The following SCAMP3 variants were observed in gnomAD, a reference collection of about 807,000 sequenced individuals.
SCAMP3 encodes secretory carrier-associated membrane protein 3.
Under a neutral mutation model 44.1 loss-of-function variants are expected in SCAMP3, and 30 were observed. That is an observed-to-expected ratio of 0.68 (90% CI 0.51 to 0.92). The LOEUF is 0.92. Among genes scored for constraint, SCAMP3 ranks in the 40% least tolerant of loss-of-function variants. The pLI, the probability that SCAMP3 is intolerant of heterozygous loss-of-function variation, is 0.00. For synonymous variants in SCAMP3, 168 were observed against 171.1 expected, an observed-to-expected ratio of 0.98 and a Z score of 0.14; for missense variants, 394 against 440.0, an observed-to-expected ratio of 0.90 and a Z score of 0.93.
At position 155,255,995 on chromosome 1, in the gene SCAMP3, A is replaced by C; in HGVS notation, c.*278T>G. On this transcript the variant is annotated 3_prime_UTR_variant, in exon 9 of 9. Coordinates refer to ENST00000302631, the MANE Select transcript of SCAMP3 (RefSeq NM_005698.4). The surrounding 1 kb of genome is among the most constrained non-coding windows in gnomAD (Gnocchi z 5.6). ...AAACGGGGATGTCAGTTCCAGTTCC[A>C]CTTTCTTTTTATTTAAATAACCGAA... The C allele has an allele frequency of 2.6e-6, 1 of 383,838 alleles. No homozygotes were observed. Among genetic ancestry groups the C allele is most frequent in the Admixed American group, 4.4e-5 (1 of 22,498 alleles). 23.8% of individuals were successfully genotyped at this position (383,838 alleles called of 1,614,324 possible). A position where few individuals can be genotyped will look rare whatever the true frequency, so the allele number is the denominator to read the frequency against.
At chr1:155,258,772 G>C in intron 5 of SCAMP3, 54 bp downstream of exon 5, 3 of 1,530,808 alleles carry the variant, frequency 2.0e-6, no homozygotes. Flanking sequence ...GCGGACCCCA[G>C]GGCAGTTAAG....
intron 2 of SCAMP3, 73 bp from the exon 3 acceptor site, chr1:155,260,732 T>C (rs1285003470): frequency 7.4e-7 from 1 of 1,347,370 alleles, no homozygotes; most frequent in Non-Finnish European, 1.0e-6. Context: ...TTGAATACCT[T>C]TAGACCCAGA....
chr1:155,260,591 G>A lies in SCAMP3; in HGVS notation c.213C>T (p.Pro71=), dbSNP rs775945420. Residue 71 remains proline, a synonymous_variant, in exon 3 of 9, where the codon CCC becomes CCT. Coordinates refer to ENST00000302631, the MANE Select transcript of SCAMP3 (RefSeq NM_005698.4). ...LPPPSAPSLQ[P]SRKLSPTEPK... is the part of the protein sequence containing the mutation. ...GTTCTGTGGGGCTGAGCTTTCTCGA[G>A]GGCTGCAAGGAGGGAGCTGAGGGTG... 34 of 1,614,190 alleles carry A rather than the reference G, an allele frequency of 2.1e-5. No homozygotes were observed. Among genetic ancestry groups the A allele is most frequent in the Non-Finnish European group, 2.9e-5 (34 of 1,180,044 alleles).
chr1:155,260,526 A>T lies in SCAMP3; in HGVS notation c.267+11T>A. ...CCTTCTCCCCAGCCCTCACCTGCAC[A>T]CCTCCTGTACCTGAGTGCTGTATGA... On this transcript the variant is annotated intron_variant, in intron 3 of 8. Transcript: ENST00000302631. 1 of 1,613,570 alleles carries T rather than the reference A, an allele frequency of 6.2e-7. No homozygotes were observed. The highest frequency in any genetic ancestry group is 8.5e-7 in the Non-Finnish European group (1 of 1,179,902).
At chr1:155,258,491 C>T in intron 5 of SCAMP3, among the ~76,000 whole-genome samples, 1 of 151,832 alleles carries the variant, frequency 6.6e-6, no homozygotes, top group Non-Finnish European at 1.5e-5. Context: ...CATGTGCCAC[C>T]ACGCCCAGGT....
rs747136092 is a variant in SCAMP3, at chr1:155,260,525, C to T, written c.267+12G>A. On this transcript the variant is annotated intron_variant, in intron 3 of 8. Coordinates refer to ENST00000302631, the MANE Select transcript of SCAMP3 (RefSeq NM_005698.4). ...CCCTTCTCCCCAGCCCTCACCTGCA[C>T]ACCTCCTGTACCTGAGTGCTGTATG... is the stretch of plus-strand genomic sequence containing the variant. The T allele has an allele frequency of 3.7e-6, 6 of 1,614,054 alleles. No individual in the cohort carries two copies. Among genetic ancestry groups the T allele is most frequent in the South Asian group, 1.1e-5 (1 of 91,078 alleles).
Position 155,260,389 on chromosome 1 carries a change from GC to G in SCAMP3, c.328del (p.Ala110GlnfsTer71). ...LKKQEELNRK[A>X]EELDRREREL... Reference sequence around the variant, plus strand: ...TCGCTCCCTTCGGTCCAACTCCTCTGCCTTCCGGTTGAGCTCCTCCTGTTTC... The same window carrying G: ...TCGCTCCCTTCGGTCCAACTCCTCTGCTTCCGGTTGAGCTCCTCCTGTTTC... On this transcript the variant is annotated frameshift_variant, in exon 4 of 9. Coordinates refer to ENST00000302631, the MANE Select transcript of SCAMP3 (RefSeq NM_005698.4). LOFTEE classifies it high-confidence loss of function. 1.2e-6 allele frequency: 2 copies of G among 1,613,878 alleles called. No individual in the cohort carries two copies. Among genetic ancestry groups the G allele is most frequent in the Admixed American group, 3.3e-5 (2 of 60,018 alleles).
At chr1:155,261,628 T>A (rs1005634545) in intron 2 of SCAMP3, 29 bp downstream of exon 2, 27 of 1,603,216 alleles carry the variant, frequency 1.7e-5, no homozygotes, top group Non-Finnish European at 2.3e-5. Flanking sequence ...CTTCCCTTCC[T>A]TGAACTCCTA....
chr1:155,261,024 C>T (rs994903770), intron 2 of SCAMP3, among the ~76,000 whole-genome samples: 5 of 151,818 alleles, frequency 3.3e-5, no homozygotes, highest in Admixed American at 2.0e-4. Flanking sequence ...AACTCCTGGG[C>T]CCAAGCAGTC....
chr1:155,256,308 C>CGGCT lies in SCAMP3; in HGVS notation c.1005_1008dup (p.Ala337SerfsTer6). ...CGGAAGGCATTTTCAGCAGCCCCAG[C>CGGCT]GGCTGCATTGGCAGCTGCGGTTCGC... On this transcript the variant is annotated frameshift_variant, in exon 9 of 9. Coordinates refer to ENST00000302631, the MANE Select transcript of SCAMP3 (RefSeq NM_005698.4). LOFTEE classifies it high-confidence loss of function. The CGGCT allele has an allele frequency of 6.3e-7, 1 of 1,596,262 alleles. No individual in the cohort carries two copies. The highest frequency in any genetic ancestry group is 2.3e-5 in the East Asian group (1 of 44,382).
rs1431217159 is a variant in SCAMP3 at position 155,258,961 on chromosome 1, G to C, written c.389-7C>G. 6.2e-7 allele frequency: 1 copy of C among 1,602,294 alleles called. No homozygotes were observed. The highest frequency in any genetic ancestry group is 8.5e-7 in the Non-Finnish European group (1 of 1,175,684). ...GGCCAATTGTTCTGTCGAGCTGTAA[G>C]GCACAAAAAAACAGGTGGACCCCAG... On this transcript the variant is annotated splice_region_variant and splice_polypyrimidine_tract_variant and intron_variant, in intron 4 of 8. Transcript: ENST00000302631.
intron 8 of SCAMP3, 92 bp downstream of exon 8, chr1:155,256,582 T>C: frequency 7.2e-7 from 1 of 1,379,740 alleles, no homozygotes; most frequent in Non-Finnish European, 1.0e-6. Context: ...CCCAGCAGCC[T>C]GACCTGTGCC....
intron 5 of SCAMP3, 61 bp downstream of exon 5, chr1:155,258,765 G>A (rs1354761615): frequency 3.4e-6 from 5 of 1,489,626 alleles, no homozygotes; most frequent in Non-Finnish European, 4.5e-6. Flanking sequence ...TTGGTGAGCG[G>A]ACCCCAGGGC....
intron 4 of SCAMP3, among the ~76,000 whole-genome samples, chr1:155,259,678 T>C (rs762129710): frequency 5.0e-4 from 76 of 152,276 alleles, no homozygotes; most frequent in South Asian, 2.3e-3. Flanking sequence ...GATCCTCTCT[T>C]TTATCTCCAA....
In SCAMP3 at chr1:155,262,183, C is replaced by T. The variant is rs201017069; in HGVS notation, c.-32G>A. The stretch of plus-strand genomic sequence containing the variant: ...AACTGCGGCCTCCGCGGCCCTCTGC[C>T]CTCCACGCCCCTGCCGCAGCAGTGG... On this transcript the variant is annotated 5_prime_UTR_variant, in exon 1 of 9. Transcript: ENST00000302631. 7.2e-5 allele frequency: 115 copies of T among 1,600,770 alleles called. No homozygotes were observed. In the African/African-American group the frequency reaches 1.3e-3, roughly 19 times the overall value.
intron 5 of SCAMP3, among the ~76,000 whole-genome samples, 194 bp from the exon 6 acceptor site, chr1:155,257,851 AT>A (rs34278239): frequency 0.36 from 54,212 of 149,580 alleles, 11,164 homozygotes; most frequent in East Asian, 0.7. Flanking sequence ...TTGCAAAGAC[AT>A]TTTTTTTTTT....
At chr1:155,257,685 G>A (rs1557925181) in intron 5 of SCAMP3, 28 bp from the exon 6 acceptor site, 3 of 1,549,314 alleles carry the variant, frequency 1.9e-6, no homozygotes, top group Non-Finnish European at 2.6e-6. Flanking sequence ...AGGATGAGGA[G>A]CCCTTCTGGA....
chr1:155,256,819 G>A (rs569780518), intron 7 of SCAMP3, 28 bp from the exon 8 acceptor site: 2 of 1,573,842 alleles, frequency 1.3e-6, no homozygotes, highest in Non-Finnish European at 1.7e-6. Context: ...TACCAGTGAA[G>A]AGGGGCTCCT....
At chr1:155,257,176 C>T (rs1672825475) in intron 7 of SCAMP3, 109 bp downstream of exon 7, 4 of 727,958 alleles carry the variant, frequency 5.5e-6, no homozygotes, top group Non-Finnish European at 9.5e-6. Context: ...AAACTAGTAC[C>T]TCCCAAGGAT....
Sources: gnomAD v4.1 joint callset for allele counts (sites outside exome capture counted in the v4.1 genomes callset) on GRCh38, gnomAD v4.1.1 for gene constraint, Gnocchi (gnomAD v3.1) non-coding constraint, MANE v1.5 for transcripts, NCBI Gene and HGNC (gene_info 2026-07-23, HGNC 2026-07-21) for gene names.